Variants in MON2 observed in about 807,000 individuals in gnomAD.
MON2 encodes the protein protein MON2 homolog.
A neutral mutation model predicts 208.6 loss-of-function variants in MON2; 84 were observed. The ratio of observed to expected loss-of-function variants is 0.40; its 90% CI spans 0.34 to 0.48. The LOEUF (loss-of-function observed/expected upper bound fraction) is 0.48, where lower values mean the gene tolerates loss of function less well. Ranked by LOEUF, MON2 falls within the 20% of genes least tolerant of loss-of-function variation. The probability of loss-of-function intolerance (pLI) is 0.59; values close to 1 mark genes in which losing one functional copy is unlikely to be tolerated. For missense variants in MON2, 1,611 were observed against 2,015.4 expected (o/e 0.80, Z 3.84); for synonymous variants, 660 against 694.0 (o/e 0.95, Z 0.77).
intron 8 of MON2, among the ~76,000 whole-genome samples, chr12:62,519,975 C>T (rs1392532292): frequency 6.6e-6 from 1 of 152,178 alleles, no homozygotes; most frequent in Non-Finnish European, 1.5e-5. Context: ...GCCACCACGC[C>T]CGGCTAATTT....
intron 25 of MON2, 106 bp downstream of exon 25, chr12:62,556,298 G>GGT (rs2136323557): frequency 2.8e-6 from 3 of 1,079,322 alleles, no homozygotes; most frequent in South Asian, 2.9e-5. Context: ...CTTTATGTGT[G>GGT]GTGTGTGTGT....
intron 1 of MON2, among the ~76,000 whole-genome samples, chr12:62,473,801 G>A (rs1258928445): frequency 2.6e-5 from 4 of 152,066 alleles, no homozygotes; most frequent in Non-Finnish European, 5.9e-5. Flanking sequence ...AAACCCCTGA[G>A]CTCAAGCAAT....
chr12:62,547,199 A>T, intron 22 of MON2, 127 bp downstream of exon 22: 1 of 587,054 alleles, frequency 1.7e-6, no homozygotes, highest in Non-Finnish European at 2.6e-6. Flanking sequence ...AATAGTGGTT[A>T]TTTTTTTCAT....
chr12:62,536,046 AGT>A (rs1336721144), intron 14 of MON2, among the ~76,000 whole-genome samples: 1 of 152,196 alleles, frequency 6.6e-6, no homozygotes, highest in Admixed American at 6.5e-5. Flanking sequence ...TAAATGCATA[AGT>A]ATATATAATA....
chr12:62,580,201 AT>A, intron 31 of MON2, 95 bp from the exon 32 acceptor site: 1 of 1,222,060 alleles, frequency 8.2e-7, no homozygotes, highest in Non-Finnish European at 1.1e-6. Context: ...TCTTTAACTG[AT>A]TTTCATTTAA....
intron 26 of MON2, among the ~76,000 whole-genome samples, chr12:62,563,898 C>T (rs1321798430): frequency 6.6e-6 from 1 of 151,982 alleles, no homozygotes; most frequent in Admixed American, 6.6e-5. Context: ...TCTTTTTCCA[C>T]AGTAATTACT....
At chr12:62,565,097 C>T in intron 26 of MON2, 140 bp from the exon 27 acceptor site, 2 of 767,018 alleles carry the variant, frequency 2.6e-6, no homozygotes, top group South Asian at 3.7e-5. Context: ...TAGTTTGTGT[C>T]CTTTAGGGCT....
At chr12:62,519,881 T>A (rs1379415301) in intron 8 of MON2, among the ~76,000 whole-genome samples, 1 of 152,390 alleles carries the variant, frequency 6.6e-6, no homozygotes, top group Non-Finnish European at 1.5e-5. Flanking sequence ...CGTGGCGTGA[T>A]CTCGGCTCAC....
chr12:62,480,287 G>A (rs1025108486), intron 1 of MON2, among the ~76,000 whole-genome samples: 12 of 152,130 alleles, frequency 7.9e-5, no homozygotes, highest in Admixed American at 6.5e-4. Flanking sequence ...GACCAGGCAC[G>A]GTGGCTCACC....
chr12:62,508,576 C>T, intron 8 of MON2, 96 bp downstream of exon 8: 1 of 1,102,866 alleles, frequency 9.1e-7, no homozygotes, highest in Non-Finnish European at 1.4e-6. Flanking sequence ...TTTTTCAATT[C>T]AGTTCAACAG....
In MON2 at chr12:62,547,072, GGTAA is replaced by G. The variant is rs771851033; in HGVS notation, c.2753+4_2753+7del. The G allele has an allele frequency of 6.8e-7, 1 of 1,471,530 alleles. No homozygotes were observed. Among genetic ancestry groups the G allele is most frequent in the Non-Finnish European group, 9.0e-7 (1 of 1,109,170 alleles). The allele number at this position is 1,471,530 out of a possible 1,614,324, so 91.2% of individuals were successfully genotyped here. On this transcript the variant is annotated splice_donor_variant and splice_donor_region_variant and intron_variant, in intron 22 of 34. Coordinates refer to ENST00000393630, the MANE Select transcript of MON2 (RefSeq NM_015026.3). LOFTEE classifies it high-confidence loss of function. ...ATGGGAGCAATCAGAAATGATCAAG[GGTAA>G]GTATTTAAAATTATTTGAGAAAAAA...
chr12:62,477,653 C>T (rs1433687661), intron 1 of MON2, among the ~76,000 whole-genome samples: 2 of 150,270 alleles, frequency 1.3e-5, no homozygotes, highest in Non-Finnish European at 1.5e-5. Flanking sequence ...GAGGCTCAAG[C>T]GATCCTCTCG....
At chr12:62,497,397 T>G (rs912697600) in intron 4 of MON2, among the ~76,000 whole-genome samples, 5 of 152,134 alleles carry the variant, frequency 3.3e-5, no homozygotes, top group Admixed American at 2.0e-4. Flanking sequence ...AATAATATAT[T>G]CAAATGGGTG....
Position 62,566,455 on chromosome 12 carries a change from C to A in MON2, c.4323+5C>A. On this transcript the variant is annotated splice_donor_5th_base_variant and intron_variant, in intron 29 of 34. Coordinates refer to ENST00000393630, the MANE Select transcript of MON2 (RefSeq NM_015026.3). ...GTGCTCCAGAATATTATTAAGGTAT[C>A]TTTTTTTCATTTCTACACTTTCATT... The A allele has an allele frequency of 6.2e-7, 1 of 1,608,560 alleles. No individual in the cohort carries two copies. The highest frequency in any genetic ancestry group is 8.5e-7 in the Non-Finnish European group (1 of 1,177,796).
At chr12:62,530,392 G>A (rs963310922) in intron 11 of MON2, among the ~76,000 whole-genome samples, 3 of 151,702 alleles carry the variant, frequency 2.0e-5, no homozygotes, top group Non-Finnish European at 2.9e-5. Flanking sequence ...CACCATGCCC[G>A]GCTAATTTTT....
intron 7 of MON2, among the ~76,000 whole-genome samples, chr12:62,507,084 G>C (rs886728692): frequency 3.9e-5 from 6 of 152,140 alleles, no homozygotes; most frequent in Admixed American, 2.0e-4. Flanking sequence ...GTTTGCCATT[G>C]CATGTTTTAT....
intron 26 of MON2, among the ~76,000 whole-genome samples, chr12:62,561,921 G>A (rs2074212605): frequency 6.6e-6 from 1 of 152,098 alleles, no homozygotes; most frequent in Admixed American, 6.6e-5. Flanking sequence ...AATTTTCACA[G>A]TAAGAATTTC....
At chr12:62,484,327 C>T (rs2069630103) in intron 2 of MON2, 94 bp downstream of exon 2, 1 of 768,666 alleles carries the variant, frequency 1.3e-6, no homozygotes. Context: ...TTTTCTGTAA[C>T]ATCTCTTCCT....
chr12:62,532,144 A>G (rs1390692347), intron 11 of MON2, among the ~76,000 whole-genome samples: 1 of 152,148 alleles, frequency 6.6e-6, no homozygotes, highest in East Asian at 1.9e-4. Flanking sequence ...GTCAGTCTTA[A>G]TTTTTCTAAT....
Sources: gnomAD v4.1 joint callset for allele counts (sites outside exome capture counted in the v4.1 genomes callset) on GRCh38, gnomAD v4.1.1 for gene constraint, MANE v1.5 for transcripts, NCBI Gene and HGNC (gene_info 2026-07-23, HGNC 2026-07-21) for gene names.